ARHGEF3: variants seen among roughly 807,000 people sequenced by gnomAD.
ARHGEF3 encodes Rho guanine nucleotide exchange factor 3.
In ARHGEF3, 28 loss-of-function variants were observed where a neutral mutation model predicts 63.2. The ratio of observed to expected loss-of-function variants is 0.44; its 90% CI spans 0.33 to 0.61. ARHGEF3 has a LOEUF of 0.61. Among genes scored for constraint, ARHGEF3 ranks in the 20% least tolerant of loss-of-function variants. ARHGEF3 has a pLI of 0.03. For missense variants in ARHGEF3, 533 were observed against 659.3 expected, an observed-to-expected ratio of 0.81 and a Z score of 2.10; for synonymous variants, 266 against 254.2, an observed-to-expected ratio of 1.05 and a Z score of -0.44.
In ARHGEF3 at chr3:56,745,161, G is replaced by C. The variant is rs768926030; in HGVS notation, c.870+44C>G. 1.5e-5 allele frequency: 24 copies of C among 1,586,618 alleles called. No individual in the cohort carries two copies. The Admixed American group carries it at 3.1e-4, about 21-fold the overall frequency. Reference sequence around the variant, plus strand: ...ACTGACCCAATCCACCAGCCATTATGGTGGAAATAACAAGAAGAGAGAGAA... The same window carrying C: ...ACTGACCCAATCCACCAGCCATTATCGTGGAAATAACAAGAAGAGAGAGAA... On this transcript the variant is annotated intron_variant, in intron 7 of 9. Transcript: ENST00000296315.
chr3:56,850,490 C>T (rs978963811), intron 4 of ARHGEF3, among the ~76,000 whole-genome samples: 3 of 152,222 alleles, frequency 2.0e-5, no homozygotes, highest in Admixed American at 6.5e-5. Context: ...GATAGCACCA[C>T]TGTACTGCAG....
chr3:56,943,908 C>T (rs567090473), intron 3 of ARHGEF3, among the ~76,000 whole-genome samples: 286 of 137,486 alleles, frequency 2.1e-3, no homozygotes, highest in Middle Eastern at 8.3e-3. Flanking sequence ...AGAGAGACTC[C>T]GACTCAAAAA....
intron 3 of ARHGEF3, among the ~76,000 whole-genome samples, chr3:56,917,561 T>G (rs902965867): frequency 6.6e-6 from 1 of 152,126 alleles, no homozygotes; most frequent in African/African-American, 2.4e-5. Flanking sequence ...AGCAGGCTCT[T>G]TCCATTCACG....
intron 3 of ARHGEF3, among the ~76,000 whole-genome samples, chr3:56,953,331 C>T (rs1400383415): frequency 1.3e-5 from 2 of 152,200 alleles, no homozygotes; most frequent in African/African-American, 4.8e-5. Context: ...TGGCAACTTC[C>T]TTCTATACAC....
chr3:56,889,893 C>T (rs1202600863), intron 3 of ARHGEF3, among the ~76,000 whole-genome samples: 2 of 152,092 alleles, frequency 1.3e-5, no homozygotes, highest in Non-Finnish European at 2.9e-5. Context: ...GAAACCTCAT[C>T]TCTACTAAAA....
chr3:56,937,587 A>G (rs976930179), intron 3 of ARHGEF3, among the ~76,000 whole-genome samples: 2 of 152,236 alleles, frequency 1.3e-5, no homozygotes, highest in African/African-American at 4.8e-5. Flanking sequence ...GTAGAAGACA[A>G]CACATGAAGG....
Position 56,729,608 on chromosome 3 carries a change from TGAA to T in ARHGEF3, c.1240_1242del (p.Phe414del), listed in dbSNP as rs2032971357. The T allele has an allele frequency of 1.1e-5, 17 of 1,600,516 alleles. No homozygotes were observed. The highest frequency in any genetic ancestry group is 1.5e-5 in the Non-Finnish European group (17 of 1,172,034). On this transcript the variant is annotated inframe_deletion, in exon 10 of 10. Transcript: ENST00000296315. Reference sequence around the variant, plus strand: ...TGGGATCCATTTTTGAAACTGACTCTGAAGAAGTTTTTAACTAGAAAGGAAAAA... The same window carrying T: ...TGGGATCCATTTTTGAAACTGACTCTGAAGTTTTTAACTAGAAAGGAAAAA...
chr3:56,973,069 T>G (rs1578997441), intron 2 of ARHGEF3, among the ~76,000 whole-genome samples: 2 of 150,482 alleles, frequency 1.3e-5, no homozygotes, highest in East Asian at 3.9e-4. Flanking sequence ...CAGGCTGGAG[T>G]GCAGTGGTGC....
intron 1 of ARHGEF3, among the ~76,000 whole-genome samples, chr3:57,051,035 C>T (rs139127060): frequency 3.3e-5 from 5 of 152,250 alleles, no homozygotes; most frequent in African/African-American, 1.2e-4. Context: ...AACCTGTTTG[C>T]ATTTGAGAAA....
chr3:56,920,991 C>G (rs551943628), intron 3 of ARHGEF3, among the ~76,000 whole-genome samples: 12 of 137,876 alleles, frequency 8.7e-5, no homozygotes, highest in Admixed American at 2.5e-4. Flanking sequence ...GGAGGCGGAG[C>G]TTGCAGTGAG....
intron 4 of ARHGEF3, among the ~76,000 whole-genome samples, chr3:56,876,751 C>A (rs965225546): frequency 3.3e-5 from 5 of 152,206 alleles, no homozygotes; most frequent in Non-Finnish European, 7.3e-5. Context: ...CAGCCATGTG[C>A]TCCCATGGGA....
intron 2 of ARHGEF3, among the ~76,000 whole-genome samples, chr3:56,970,349 T>C (rs1270058835): frequency 6.6e-6 from 1 of 152,096 alleles, no homozygotes; most frequent in African/African-American, 2.4e-5. Flanking sequence ...TGAAATAAAA[T>C]CCTATTAACT....
intron 1 of ARHGEF3, among the ~76,000 whole-genome samples, chr3:57,037,881 C>CAAAACAAAA (rs1704027132): frequency 6.8e-6 from 1 of 147,724 alleles, no homozygotes. Flanking sequence ...TCTCAAAAAA[C>CAAAACAAAA]AAAACAAAAC....
In ARHGEF3 at chr3:57,001,915, G is replaced by GTTTTTT. The variant is rs1410825594; in HGVS notation, c.62+33167_62+33172dup. On this transcript the variant is annotated intron_variant, in intron 2 of 12. Coordinates refer to the ARHGEF3 transcript ENST00000338458. ...AAATCCTAAAACCCAAAGTGAGATA[G>GTTTTTT]TTTTTTTTTTTTTTGTTTTTTGTTT... Among the ~76,000 whole-genome samples the GTTTTTT allele has an allele frequency of 9.5e-4, 51 of 53,712 alleles. 5 individuals are homozygous for GTTTTTT. The highest frequency in any genetic ancestry group is 1.2e-3 in the Admixed American group (5 of 4,192). The allele number at this position is 53,712 out of a possible 152,430, so 35.2% of individuals were successfully genotyped here.
intron 4 of ARHGEF3, among the ~76,000 whole-genome samples, chr3:56,877,927 GA>G (rs942724290): frequency 4.6e-5 from 7 of 151,734 alleles, no homozygotes; most frequent in Middle Eastern, 3.4e-3. Context: ...ATTTCATAAT[GA>G]AAAAAAATTA....
intron 4 of ARHGEF3, among the ~76,000 whole-genome samples, chr3:56,867,478 TATTTA>T (rs1456926430): frequency 2.0e-5 from 3 of 151,906 alleles, no homozygotes; most frequent in African/African-American, 7.3e-5. Context: ...TTTATTTATT[TATTTA>T]TTTTTTTGAG....
At chr3:57,014,812 C>G (rs1702913682) in intron 2 of ARHGEF3, among the ~76,000 whole-genome samples, 1 of 152,026 alleles carries the variant, frequency 6.6e-6, no homozygotes, top group African/African-American at 2.4e-5. Flanking sequence ...TCCTGAGTAG[C>G]TGGGACTACA....
At chr3:56,839,330 G>A (rs957753443) in intron 4 of ARHGEF3, among the ~76,000 whole-genome samples, 3 of 151,464 alleles carry the variant, frequency 2.0e-5, no homozygotes, top group Admixed American at 2.0e-4. Flanking sequence ...TAACGTTTTG[G>A]GTTTTTTTGA....
chr3:57,073,943 G>C, intron 1 of ARHGEF3: 1 of 1,614,204 alleles, frequency 6.2e-7, no homozygotes, highest in African/African-American at 1.3e-5. Context: ...AGACCTGTCA[G>C]AGATATTTAC....
Sources: gnomAD v4.1 joint callset for allele counts (sites outside exome capture counted in the v4.1 genomes callset) on GRCh38, gnomAD v4.1.1 for gene constraint, MANE v1.5 for transcripts, NCBI Gene and HGNC (gene_info 2026-07-23, HGNC 2026-07-21) for gene names.